WWOX: variants seen among roughly 807,000 people sequenced by gnomAD.
WWOX encodes the protein WW domain containing oxidoreductase.
WWOX carries 69 observed loss-of-function variants against 46.2 expected under a neutral mutation model. The observed-to-expected ratio is 1.49, with a 90% CI of 1.23 to 1.82. The LOEUF (loss-of-function observed/expected upper bound fraction) is 1.82, where lower values mean the gene tolerates loss of function less well. WWOX is among the 40% of genes most tolerant of loss of function. The pLI, the probability that WWOX is intolerant of heterozygous loss-of-function variation, is 0.00. For synonymous variants in WWOX, 359 were observed against 202.6 expected (o/e 1.77, Z -6.56); for missense variants, 919 against 542.6 (o/e 1.69, Z -6.89).
chr16:78,476,898 T>TCTCTCCCCTCTC (rs1715942755), intron 8 of WWOX, among the ~76,000 whole-genome samples: 1 of 152,054 alleles, frequency 6.6e-6, no homozygotes, highest in Admixed American at 6.6e-5. Flanking sequence ...TCCTCCCTCT[T>TCTCTCCCCTCTC]CTCTCCCCTC....
chr16:78,547,127 GAAA>G (rs199726097), intron 8 of WWOX, among the ~76,000 whole-genome samples: 5 of 87,500 alleles, frequency 5.7e-5, no homozygotes, highest in Non-Finnish European at 1.0e-4. Context: ...CCTTGTCTCA[GAAA>G]AAAAAAAAAA....
chr16:78,727,542 A>T (rs570597536), intron 8 of WWOX, among the ~76,000 whole-genome samples: 10 of 152,172 alleles, frequency 6.6e-5, no homozygotes, highest in Non-Finnish European at 1.5e-4. Context: ...GAAAGGAGGG[A>T]CACAAGGTCT....
chr16:78,529,527 C>G (rs762836121), intron 8 of WWOX, among the ~76,000 whole-genome samples: 1 of 152,030 alleles, frequency 6.6e-6, no homozygotes, highest in Admixed American at 6.5e-5. Flanking sequence ...AATGCAATGG[C>G]AAGATCCCTG....
At chr16:78,590,817 A>C (rs2045333266) in intron 8 of WWOX, among the ~76,000 whole-genome samples, 1 of 152,180 alleles carries the variant, frequency 6.6e-6, no homozygotes, top group African/African-American at 2.4e-5. Flanking sequence ...GTAAGCCTCA[A>C]ATGGGAGGTG....
At chr16:78,493,193 A>G (rs978513121) in intron 8 of WWOX, among the ~76,000 whole-genome samples, 4 of 152,284 alleles carry the variant, frequency 2.6e-5, no homozygotes, top group South Asian at 2.1e-4. Flanking sequence ...GGAATAATAC[A>G]TGTTTCCTGC....
At chr16:78,206,599 A>G (rs760752308) in intron 5 of WWOX, among the ~76,000 whole-genome samples, 2 of 152,142 alleles carry the variant, frequency 1.3e-5, no homozygotes, top group Non-Finnish European at 2.9e-5. Flanking sequence ...ATTTCACCCT[A>G]TTCTATTTTT....
chr16:78,422,414 G>C lies in WWOX; in HGVS notation c.606-2456G>C, dbSNP rs1376098311. On this transcript the variant is annotated intron_variant, in intron 6 of 8. Coordinates refer to ENST00000566780, the MANE Select transcript of WWOX (RefSeq NM_016373.4). ...TGATGCCTGTAGTGGTATGATCATAGCTCATTGCAGCCCTTGAACTCCTGG... is the reference window on the plus strand; with the variant it reads ...TGATGCCTGTAGTGGTATGATCATACCTCATTGCAGCCCTTGAACTCCTGG... Among the ~76,000 whole-genome samples the C allele has an allele frequency of 2.6e-5, 4 of 151,244 alleles. No individual in the cohort carries two copies. The East Asian group carries it at 7.8e-4, about 29-fold the overall frequency.
At chr16:78,244,412 G>C (rs2037753971) in intron 5 of WWOX, among the ~76,000 whole-genome samples, 1 of 152,174 alleles carries the variant, frequency 6.6e-6, no homozygotes, top group Admixed American at 6.5e-5. Context: ...GGGAATTTGA[G>C]ACTGTGAGAG....
At chr16:78,416,163 G>T (rs1020221949) in intron 6 of WWOX, among the ~76,000 whole-genome samples, 2 of 152,126 alleles carry the variant, frequency 1.3e-5, no homozygotes, top group African/African-American at 4.8e-5. Flanking sequence ...TTTTTGGAAG[G>T]ATACTATTTT....
At chr16:78,400,136 T>G (rs371556871) in intron 6 of WWOX, among the ~76,000 whole-genome samples, 2 of 152,332 alleles carry the variant, frequency 1.3e-5, no homozygotes, top group South Asian at 2.1e-4. Flanking sequence ...GTTTAACTTT[T>G]AAGCTTAAAC....
intron 8 of WWOX, chr16:79,110,877 C>G (rs1241526446): frequency 6.6e-6 from 1 of 152,130 alleles, no homozygotes; most frequent in Non-Finnish European, 1.5e-5. Context: ...AATGAGAACA[C>G]TGTTATTGGT....
chr16:78,228,020 C>T (rs994718750), intron 5 of WWOX, among the ~76,000 whole-genome samples: 1 of 152,174 alleles, frequency 6.6e-6, no homozygotes, highest in East Asian at 1.9e-4. Context: ...TATGGACCCT[C>T]TCTCTGGCAA....
In WWOX at chr16:78,267,974, C is replaced by T. The variant is rs147927453; in HGVS notation, c.516+103685C>T. Among the ~76,000 whole-genome samples, 284 of 152,224 alleles carry T rather than the reference C, an allele frequency of 1.9e-3. 1 individual carries two copies. Among genetic ancestry groups the T allele is most frequent in the African/African-American group, 6.5e-3 (272 of 41,534 alleles). On this transcript the variant is annotated intron_variant, in intron 5 of 8. Coordinates refer to ENST00000566780, the MANE Select transcript of WWOX (RefSeq NM_016373.4). The stretch of plus-strand genomic sequence containing the variant: ...CTGGGACTATAGGTGCGTGCCCCCA[C>T]GCCTGGCTAAGTTTTTGTACTTTTA...
At chr16:78,161,588 C>T (rs548912227) in intron 4 of WWOX, among the ~76,000 whole-genome samples, 17 of 152,016 alleles carry the variant, frequency 1.1e-4, no homozygotes, top group East Asian at 3.9e-4. Context: ...CTGGGACTAC[C>T]GGTACCTGCC....
intron 8 of WWOX, among the ~76,000 whole-genome samples, chr16:78,973,481 C>T (rs1241531003): frequency 6.6e-6 from 1 of 152,202 alleles, no homozygotes; most frequent in African/African-American, 2.4e-5. Context: ...CTGCTGATTT[C>T]TTCAAACATC....
At chr16:78,171,806 C>G (rs1254742506) in intron 5 of WWOX, among the ~76,000 whole-genome samples, 2 of 152,084 alleles carry the variant, frequency 1.3e-5, no homozygotes, top group Non-Finnish European at 2.9e-5. Flanking sequence ...ACTATATAAG[C>G]CACTTGCTCA....
At chr16:78,951,057 A>G in intron 8 of WWOX, among the ~76,000 whole-genome samples, 1 of 152,234 alleles carries the variant, frequency 6.6e-6, no homozygotes, top group East Asian at 1.9e-4. Context: ...GACAATGAGA[A>G]GAGGCCAGAT....
In WWOX at chr16:78,574,970, C is replaced by A. The variant is rs2044813233; in HGVS notation, c.1056+142218C>A. Among the ~76,000 whole-genome samples, 4 of 100,860 alleles carry A rather than the reference C, an allele frequency of 4.0e-5. No homozygotes were observed. The South Asian group carries it at 1.4e-3, about 36-fold the overall frequency. The allele number at this position is 100,860 out of a possible 152,430, so 66.2% of individuals were successfully genotyped here. On this transcript the variant is annotated intron_variant, in intron 8 of 8. Coordinates refer to ENST00000566780, the MANE Select transcript of WWOX (RefSeq NM_016373.4). ...GTAATCAAATCATTACTTTATAGAC[C>A]CTGAATATATTCAATATTTATTTTT...
chr16:78,682,406 C>T (rs1187518535), intron 8 of WWOX, among the ~76,000 whole-genome samples: 2 of 152,024 alleles, frequency 1.3e-5, no homozygotes, highest in Admixed American at 6.6e-5. Flanking sequence ...TAGTTGGCAC[C>T]AGTCTTCAAT....
Sources: allele counts gnomAD v4.1 joint callset (sites outside exome capture counted in the v4.1 genomes callset), GRCh38; gene constraint gnomAD v4.1.1; transcripts MANE v1.5; gene names NCBI Gene and HGNC (gene_info 2026-07-23, HGNC 2026-07-21).